The following ANKRD6 variants were observed in gnomAD, a reference collection of about 807,000 sequenced individuals.
ANKRD6 encodes ankyrin repeat domain-containing protein 6.
A neutral mutation model predicts 82.3 loss-of-function variants in ANKRD6; 56 were observed. The ratio of observed to expected loss-of-function variants is 0.68; its 90% CI spans 0.55 to 0.85. The LOEUF (loss-of-function observed/expected upper bound fraction) is 0.85. Ranked by LOEUF, ANKRD6 falls within the 40% of genes least tolerant of loss-of-function variation. The pLI is 0.00. For synonymous variants in ANKRD6, 347 were observed against 352.1 expected (o/e 0.99, Z 0.16); for missense variants, 852 against 907.6 (o/e 0.94, Z 0.79).
chr6:89,596,093 T>G (rs1795827595), intron 3 of ANKRD6, 79 bp downstream of exon 3: 2 of 1,243,176 alleles, frequency 1.6e-6, no homozygotes, highest in Non-Finnish European at 2.3e-6. Context: ...GTGTAAGCTG[T>G]GAGATGGGAG....
intron 1 of ANKRD6, among the ~76,000 whole-genome samples, chr6:89,475,333 T>A (rs1414917488): frequency 6.6e-6 from 1 of 152,206 alleles, no homozygotes; most frequent in Non-Finnish European, 1.5e-5. Flanking sequence ...TCAAATTGAC[T>A]CATCACATCC....
At chr6:89,518,423 A>T (rs1315017005) in intron 1 of ANKRD6, among the ~76,000 whole-genome samples, 1 of 151,898 alleles carries the variant, frequency 6.6e-6, no homozygotes, top group Non-Finnish European at 1.5e-5. Context: ...AAAAATAAGT[A>T]TCTTATGACA....
intron 1 of ANKRD6, among the ~76,000 whole-genome samples, chr6:89,545,545 CTT>C (rs1784988575): frequency 6.6e-6 from 1 of 152,168 alleles, no homozygotes; most frequent in African/African-American, 2.4e-5. Context: ...CTCTATGAGA[CTT>C]TATTTCTGAG....
intron 2 of ANKRD6, among the ~76,000 whole-genome samples, chr6:89,581,013 C>A (rs1583451427): frequency 6.6e-6 from 1 of 152,250 alleles, no homozygotes; most frequent in East Asian, 1.9e-4. Flanking sequence ...TTTGCCTAGT[C>A]CTCCTCCCAT....
chr6:89,587,892 T>C (rs548330003), intron 2 of ANKRD6, among the ~76,000 whole-genome samples: 15 of 152,364 alleles, frequency 9.8e-5, no homozygotes, highest in Non-Finnish European at 1.9e-4. Context: ...AATTATAAAT[T>C]GTTTTTAAAT....
intron 4 of ANKRD6, among the ~76,000 whole-genome samples, chr6:89,604,647 C>T (rs1798074533): frequency 6.6e-6 from 1 of 152,164 alleles, no homozygotes; most frequent in South Asian, 2.1e-4. Flanking sequence ...AGCTCATTGC[C>T]AGCACCCAGA....
At chr6:89,591,140 G>T (rs945944146) in intron 2 of ANKRD6, among the ~76,000 whole-genome samples, 1 of 152,022 alleles carries the variant, frequency 6.6e-6, no homozygotes, top group African/African-American at 2.4e-5. Context: ...GTCTTATTCT[G>T]TTGCCCAGAC....
intron 2 of ANKRD6, among the ~76,000 whole-genome samples, chr6:89,571,006 A>G (rs1789746414): frequency 6.6e-6 from 1 of 152,178 alleles, no homozygotes; most frequent in South Asian, 2.1e-4. Flanking sequence ...ACAGTGCACA[A>G]GGGTTCCCAC....
At chr6:89,522,367 G>C (rs1781991401) in intron 1 of ANKRD6, among the ~76,000 whole-genome samples, 1 of 152,158 alleles carries the variant, frequency 6.6e-6, no homozygotes, top group African/African-American at 2.4e-5. Flanking sequence ...CTGCATCTCT[G>C]AATGGTCAGA....
chr6:89,510,583 T>C (rs1780413983), intron 1 of ANKRD6, among the ~76,000 whole-genome samples: 1 of 152,182 alleles, frequency 6.6e-6, no homozygotes, highest in African/African-American at 2.4e-5. Context: ...TATAATTCTG[T>C]GGGTTTTGGT....
At chr6:89,613,760 G>C in intron 6 of ANKRD6, 32 bp from the exon 7 acceptor site, 1 of 1,600,158 alleles carries the variant, frequency 6.2e-7, no homozygotes, top group East Asian at 2.2e-5. Flanking sequence ...TAACTGCTCA[G>C]ATTGTGCTTA....
chr6:89,551,170 G>T (rs951313473), intron 1 of ANKRD6, among the ~76,000 whole-genome samples: 3 of 152,162 alleles, frequency 2.0e-5, no homozygotes, highest in Non-Finnish European at 2.9e-5. Context: ...TGTTAGGAAG[G>T]GGGTGGGATT....
Position 89,632,663 on chromosome 6 carries a change from G to T in ANKRD6, c.*1659G>T, listed in dbSNP as rs955932848. 4 of 152,156 alleles carry T rather than the reference G, an allele frequency of 2.6e-5. No homozygotes were observed. Among genetic ancestry groups the T allele is most frequent in the Non-Finnish European group, 5.9e-5 (4 of 68,024 alleles). The allele number at this position is 152,156 out of a possible 1,614,324, so 9.4% of individuals were successfully genotyped here. ...TTCAAGTTGATTTTCATGTGTTTGGGAGCTTGTCTTGTTCTCAACTACTAC... is the reference window on the plus strand; with the variant it reads ...TTCAAGTTGATTTTCATGTGTTTGGTAGCTTGTCTTGTTCTCAACTACTAC... On this transcript the variant is annotated 3_prime_UTR_variant, in exon 16 of 16. Coordinates refer to ENST00000339746, the MANE Select transcript of ANKRD6 (RefSeq NM_001242809.2).
chr6:89,570,482 A>G (rs779202110), intron 2 of ANKRD6, among the ~76,000 whole-genome samples: 7 of 152,208 alleles, frequency 4.6e-5, no homozygotes, highest in African/African-American at 9.6e-5. Context: ...TTGTGCAACC[A>G]TCACCACCAT....
chr6:89,517,641 T>G (rs535025605), intron 1 of ANKRD6, among the ~76,000 whole-genome samples: 60 of 152,370 alleles, frequency 3.9e-4, no homozygotes, highest in African/African-American at 1.4e-3. Flanking sequence ...TTAATCAACA[T>G]GATCATTATT....
intron 2 of ANKRD6, among the ~76,000 whole-genome samples, chr6:89,592,877 C>G (rs1795171272): frequency 6.6e-6 from 1 of 152,076 alleles, no homozygotes; most frequent in Non-Finnish European, 1.5e-5. Flanking sequence ...TCACTTGAGA[C>G]CAGCCTGGCC....
chr6:89,524,916 C>T (rs1336466719), intron 1 of ANKRD6, among the ~76,000 whole-genome samples: 1 of 151,616 alleles, frequency 6.6e-6, no homozygotes, highest in Non-Finnish European at 1.5e-5. Context: ...TAAATTATGG[C>T]CATTCTTGCA....
intron 1 of ANKRD6, among the ~76,000 whole-genome samples, chr6:89,484,377 C>T (rs1008065055): frequency 2.0e-5 from 3 of 151,648 alleles, no homozygotes; most frequent in African/African-American, 4.9e-5. Context: ...AACTGGCCAG[C>T]GATTATTTAA....
intron 2 of ANKRD6, among the ~76,000 whole-genome samples, chr6:89,590,383 G>A (rs1014309167): frequency 1.5e-4 from 23 of 152,132 alleles, no homozygotes; most frequent in Non-Finnish European, 2.8e-4. Context: ...CACCTGGGGA[G>A]GTTGTATAAA....
Sources: gnomAD v4.1 joint callset for allele counts (sites outside exome capture counted in the v4.1 genomes callset) on GRCh38, gnomAD v4.1.1 for gene constraint, MANE v1.5 for transcripts, NCBI Gene and HGNC (gene_info 2026-07-23, HGNC 2026-07-21) for gene names.